Variants in KALRN observed in about 807,000 individuals in gnomAD.
KALRN encodes kalirin.
In KALRN, 70 loss-of-function variants were observed where a neutral mutation model predicts 353.7. The observed-to-expected ratio is 0.20, with a 90% CI of 0.16 to 0.24. The LOEUF (loss-of-function observed/expected upper bound fraction) is 0.24. Among genes scored for constraint, KALRN ranks in the 10% least tolerant of loss-of-function variants. KALRN has a pLI of 1.00. For synonymous variants in KALRN, 1,391 were observed against 1,434.8 expected (o/e 0.97, Z 0.69); for missense variants, 2,791 against 3,756.7 (o/e 0.74, Z 6.72).
intron 9 of KALRN, among the ~76,000 whole-genome samples, chr3:124,341,464 G>A (rs1263451417): frequency 6.6e-6 from 1 of 152,228 alleles, no homozygotes; most frequent in Non-Finnish European, 1.5e-5. Context: ...TGATAGAGGA[G>A]AGGGAAGGGT....
chr3:124,330,446 T>TA (rs917178940), intron 8 of KALRN, among the ~76,000 whole-genome samples: 7 of 151,966 alleles, frequency 4.6e-5, no homozygotes, highest in Non-Finnish European at 7.4e-5. Flanking sequence ...AGCAGCTCAT[T>TA]AAAAAAAGAT....
intron 38 of KALRN, among the ~76,000 whole-genome samples, chr3:124,651,940 CTT>C (rs1289401003): frequency 1.3e-5 from 2 of 152,130 alleles, no homozygotes; most frequent in Admixed American, 6.5e-5. Flanking sequence ...ACTTGGCCAA[CTT>C]TTGTTTTCTT....
rs141829787 is a variant in KALRN, at chr3:124,496,765, G to A, written c.4935+352G>A. Among the ~76,000 whole-genome samples, 9 of 152,316 alleles carry A rather than the reference G, an allele frequency of 5.9e-5. No individual in the cohort carries two copies. The East Asian group carries it at 1.7e-3, about 29-fold the overall frequency. On this transcript the variant is annotated intron_variant, in intron 33 of 59. Coordinates refer to ENST00000682506, the MANE Select transcript of KALRN (RefSeq NM_001388419.1). ...CTTCTGGGGGGATGGATCTCAGTGA[G>A]GCTGAGTTGGAATAGTGTCCTGAGA... is the stretch of plus-strand genomic sequence containing the variant.
At chr3:124,669,379 T>C (rs2086092345) in intron 47 of KALRN, among the ~76,000 whole-genome samples, 1 of 152,140 alleles carries the variant, frequency 6.6e-6, no homozygotes, top group Admixed American at 6.6e-5. Context: ...GGACGCACAG[T>C]TTTCTTGATT....
At chr3:124,512,976 C>G (rs606392) in intron 33 of KALRN, among the ~76,000 whole-genome samples, 2 of 151,836 alleles carry the variant, frequency 1.3e-5, no homozygotes, top group African/African-American at 4.8e-5. Context: ...CTGCATGAAC[C>G]AAGGGTGAGG....
intron 58 of KALRN, among the ~76,000 whole-genome samples, chr3:124,716,015 A>G (rs1348330410): frequency 6.6e-6 from 1 of 152,046 alleles, no homozygotes; most frequent in African/African-American, 2.4e-5. Context: ...ATAATGAATA[A>G]TAATTGTTAT....
chr3:124,193,223 G>A (rs1156560926), intron 1 of KALRN, among the ~76,000 whole-genome samples: 1 of 152,120 alleles, frequency 6.6e-6, no homozygotes, highest in African/African-American at 2.4e-5. Context: ...GGAAAGCCCT[G>A]TTGGGAGATT....
rs1434577923 is a variant in KALRN, at chr3:124,721,416, A to G, written c.*1946A>G. 6.6e-6 allele frequency: 1 copy of G among 152,210 alleles called. No individual in the cohort carries two copies. The highest frequency in any genetic ancestry group is 1.5e-5 in the Non-Finnish European group (1 of 68,036). The allele number at this position is 152,210 out of a possible 1,614,324, so 9.4% of individuals were successfully genotyped here. The stretch of plus-strand genomic sequence containing the variant: ...CAGAGGTCTCTCGACTAACCCCTAT[A>G]GTCTTCATTTGGACCTTTATGTATT... On this transcript the variant is annotated 3_prime_UTR_variant, in exon 60 of 60. Coordinates refer to ENST00000682506, the MANE Select transcript of KALRN (RefSeq NM_001388419.1).
chr3:124,282,283 G>T (rs1304731433), intron 5 of KALRN, among the ~76,000 whole-genome samples: 1 of 151,796 alleles, frequency 6.6e-6, no homozygotes, highest in African/African-American at 2.4e-5. Context: ...ATTTTAATTT[G>T]TTTTAAGGCA....
At position 124,474,854 on chromosome 3, in the gene KALRN, T is replaced by C. The variant is rs915216576; in HGVS notation, c.4101+122T>C. On this transcript the variant is annotated intron_variant, in intron 26 of 59. Transcript: ENST00000682506. ...GACCAGGGGCTACTGAGAGGGACCATGAGTAGGTCTGAGAGAAGCCTTGGG... is the reference window on the plus strand; with the variant it reads ...GACCAGGGGCTACTGAGAGGGACCACGAGTAGGTCTGAGAGAAGCCTTGGG... 1.2e-4 allele frequency: 91 copies of C among 775,084 alleles called. No individual in the cohort carries two copies. In the African/African-American group the frequency reaches 1.2e-3, roughly 11 times the overall value. 48.0% of individuals were successfully genotyped at this position (775,084 alleles called of 1,614,324 possible).
At chr3:124,409,141 A>C (rs1034314021) in intron 13 of KALRN, among the ~76,000 whole-genome samples, 2 of 152,176 alleles carry the variant, frequency 1.3e-5, no homozygotes, top group African/African-American at 4.8e-5. Context: ...ACTGCAGTTA[A>C]TTCAGGAGAG....
chr3:124,475,957 A>G (rs747076773), intron 26 of KALRN, among the ~76,000 whole-genome samples: 22 of 152,054 alleles, frequency 1.4e-4, no homozygotes, highest in Non-Finnish European at 2.8e-4. Flanking sequence ...GAATGACAAG[A>G]TTGACCATTA....
At chr3:124,316,974 C>T (rs957424534) in intron 6 of KALRN, among the ~76,000 whole-genome samples, 10 of 152,192 alleles carry the variant, frequency 6.6e-5, no homozygotes, top group African/African-American at 2.4e-4. Flanking sequence ...ATGACCTGTT[C>T]CTCAGGGCAG....
rs571016630 is a variant in KALRN, at chr3:124,535,191, A to T, written c.4936-27652A>T. 4.6e-3 allele frequency among the ~76,000 whole-genome samples: 696 copies of T among 151,584 alleles called. 3 individuals carry two copies. Among genetic ancestry groups the T allele is most frequent in the Middle Eastern group, 0.034 (10 of 294 alleles). The stretch of plus-strand genomic sequence containing the variant: ...TTCCTATAAAGAAGTTTTTTTTTTT[A>T]AAACACTAGCAACTTGTAAACACCC... On this transcript the variant is annotated intron_variant, in intron 33 of 59. Transcript: ENST00000682506.
chr3:124,563,353 C>T (rs761454279), intron 34 of KALRN, among the ~76,000 whole-genome samples: 3 of 152,220 alleles, frequency 2.0e-5, no homozygotes, highest in African/African-American at 7.2e-5. Flanking sequence ...TAAGTAACCT[C>T]CAAGATCTCT....
In KALRN at chr3:124,637,229, C is replaced by T. The variant is rs534581552; in HGVS notation, c.5590C>T (p.Arg1864Trp). 9.3e-6 allele frequency: 15 copies of T among 1,614,082 alleles called. No homozygotes were observed. Among genetic ancestry groups the T allele is most frequent in the East Asian group, 2.2e-5 (1 of 44,888 alleles). The change falls in exon 37 of 60, where the codon CGG becomes TGG. Residue 1864 changes from arginine to tryptophan, a missense_variant. Arg to Trp is a moderately radical substitution (Grantham distance 101). Coordinates refer to ENST00000682506, the MANE Select transcript of KALRN (RefSeq NM_001388419.1). The stretch of plus-strand genomic sequence containing the variant: ...GCAGTCCTCCTCTTTGCTAGCAGCC[C>T]GGCAGGCTTCCACTGAAGTACCTAC... ...DEMSSSLLAARQASTEVPTAA... is the reference protein window; with the variant it reads ...DEMSSSLLAAWQASTEVPTAA...
In KALRN at chr3:124,334,219, G is replaced by A; in HGVS notation, c.1417-46G>A. The A allele has an allele frequency of 6.6e-7, 1 of 1,512,468 alleles. No homozygotes were observed. Among genetic ancestry groups the A allele is most frequent in the Non-Finnish European group, 9.2e-7 (1 of 1,087,912 alleles). 93.7% of individuals were successfully genotyped at this position (1,512,468 alleles called of 1,614,324 possible). On this transcript the variant is annotated intron_variant, in intron 8 of 59. Coordinates refer to ENST00000682506, the MANE Select transcript of KALRN (RefSeq NM_001388419.1). This position sits in a 1 kb window ranked among gnomAD's most constrained non-coding sequence, Gnocchi z 4.2. Reference sequence around the variant, plus strand: ...CACTTCCTGCTTCTCTCTGTGCCCTGCCTATCACCCTTTTCCCTTAACTTA... The same window carrying A: ...CACTTCCTGCTTCTCTCTGTGCCCTACCTATCACCCTTTTCCCTTAACTTA...
intron 34 of KALRN, among the ~76,000 whole-genome samples, chr3:124,590,786 C>T (rs1489920361): frequency 1.3e-5 from 2 of 152,048 alleles, no homozygotes; most frequent in Non-Finnish European, 2.9e-5. Context: ...CTGAGGGTGT[C>T]TTCTCAAGCA....
At chr3:124,237,519 C>T (rs987214218) in intron 3 of KALRN, among the ~76,000 whole-genome samples, 2 of 152,098 alleles carry the variant, frequency 1.3e-5, no homozygotes, top group African/African-American at 4.8e-5. Context: ...CCTGCCACCA[C>T]AACTGGCTAA....
Sources: allele counts gnomAD v4.1 joint callset (sites outside exome capture counted in the v4.1 genomes callset), GRCh38; gene constraint gnomAD v4.1.1; non-coding constraint Gnocchi (gnomAD v3.1); transcripts MANE v1.5; gene names NCBI Gene and HGNC (gene_info 2026-07-23, HGNC 2026-07-21).